CNTN4: variants seen among roughly 807,000 people sequenced by gnomAD.
CNTN4 encodes contactin-4.
CNTN4 carries 77 observed loss-of-function variants against 122.5 expected under a neutral mutation model. That is an observed-to-expected ratio of 0.63 (90% CI 0.52 to 0.76). The LOEUF (loss-of-function observed/expected upper bound fraction) is 0.76, where lower values mean the gene tolerates loss of function less well. Among genes scored for constraint, CNTN4 ranks in the 30% least tolerant of loss-of-function variants. CNTN4 has a pLI of 0.00. For synonymous variants in CNTN4, 512 were observed against 447.0 expected, an observed-to-expected ratio of 1.15 and a Z score of -1.83; for missense variants, 1,256 against 1,259.1, an observed-to-expected ratio of 1.00 and a Z score of 0.04.
Position 2,315,827 on chromosome 3 carries a change from T to A in CNTN4, c.-144-23351T>A, listed in dbSNP as rs537460750. ...TATGTTACTATCTATATAAAACTTT[T>A]AAAAATTTGGCTTAAAAAATTACAT... On this transcript the variant is annotated intron_variant, in intron 2 of 24. Transcript: ENST00000418658. Among the ~76,000 whole-genome samples the A allele has an allele frequency of 7.9e-5, 12 of 152,206 alleles. 1 individual carries two copies. The East Asian group carries it at 2.1e-3, about 27-fold the overall frequency.
At chr3:2,967,423 T>G (rs1692432386) in intron 13 of CNTN4, among the ~76,000 whole-genome samples, 1 of 152,162 alleles carries the variant, frequency 6.6e-6, no homozygotes, top group Non-Finnish European at 1.5e-5. Context: ...AACCATAATT[T>G]CTAATCTTTT....
In CNTN4 at chr3:2,143,041, C is replaced by T. The variant is rs145094899; in HGVS notation, c.-145+42402C>T. Among the ~76,000 whole-genome samples, 968 of 152,258 alleles carry T rather than the reference C, an allele frequency of 6.4e-3. 12 individuals are homozygous for T. The highest frequency in any genetic ancestry group is 6.2e-3 in the Non-Finnish European group (422 of 68,020). ...TATGTCATGCTTTGAGCCTTCATTA[C>T]GTAAGCGATTTTTCTCAAGGTCACT... On this transcript the variant is annotated intron_variant, in intron 2 of 24. Coordinates refer to ENST00000418658, the MANE Select transcript of CNTN4 (RefSeq NM_175607.3).
At chr3:2,764,454 C>A (rs997169751) in intron 6 of CNTN4, among the ~76,000 whole-genome samples, 1 of 152,050 alleles carries the variant, frequency 6.6e-6, no homozygotes, top group Non-Finnish European at 1.5e-5. Flanking sequence ...TCAAGGGATT[C>A]GAAGAAGACC....
At chr3:2,727,738 T>A (rs2088335742) in intron 4 of CNTN4, among the ~76,000 whole-genome samples, 1 of 152,244 alleles carries the variant, frequency 6.6e-6, no homozygotes, top group South Asian at 2.1e-4. Flanking sequence ...AGCATTATTT[T>A]GTTAACAAGA....
At chr3:2,722,511 T>C (rs369037016) in intron 4 of CNTN4, among the ~76,000 whole-genome samples, 2 of 152,180 alleles carry the variant, frequency 1.3e-5, no homozygotes, top group South Asian at 2.1e-4. Context: ...GATTTGAGGA[T>C]CATTTGATAG....
intron 2 of CNTN4, among the ~76,000 whole-genome samples, chr3:2,229,170 G>C (rs7613231): frequency 0.39 from 58,636 of 151,950 alleles, 12,141 homozygotes; most frequent in African/African-American, 0.54. Flanking sequence ...TATTGAACCA[G>C]GTCTGTGAAA....
chr3:2,367,104 GTA>G (rs1328746927), intron 3 of CNTN4, among the ~76,000 whole-genome samples: 1 of 151,912 alleles, frequency 6.6e-6, no homozygotes, highest in South Asian at 2.1e-4. Flanking sequence ...GTATGTGTGT[GTA>G]TGAGTACAGA....
In CNTN4 at chr3:2,413,269, C is replaced by T. The variant is rs142727248; in HGVS notation, c.-89+74036C>T. Among the ~76,000 whole-genome samples the T allele has an allele frequency of 4.6e-5, 7 of 152,284 alleles. No homozygotes were observed. The South Asian group carries it at 1.0e-3, about 23-fold the overall frequency. On this transcript the variant is annotated intron_variant, in intron 3 of 24. Transcript: ENST00000418658. ...CTTGACTACAAATAATGAGATACTC[C>T]AGTTTAAATTAGTTCAACAATGTTC...
intron 2 of CNTN4, among the ~76,000 whole-genome samples, chr3:2,276,124 T>G (rs985631401): frequency 1.3e-5 from 2 of 151,994 alleles, no homozygotes; most frequent in Admixed American, 1.3e-4. Context: ...CTTTTTAACA[T>G]TATCTGCATT....
At chr3:2,373,587 A>G (rs1259132606) in intron 3 of CNTN4, among the ~76,000 whole-genome samples, 3 of 152,238 alleles carry the variant, frequency 2.0e-5, no homozygotes, top group Non-Finnish European at 2.9e-5. Context: ...AGTTTTCAGC[A>G]TTAGGCAAAT....
At position 2,968,633 on chromosome 3, in the gene CNTN4, T is replaced by C. The variant is rs114716574; in HGVS notation, c.1359-19712T>C. On this transcript the variant is annotated intron_variant, in intron 13 of 24. Coordinates refer to ENST00000418658, the MANE Select transcript of CNTN4 (RefSeq NM_175607.3). ...AGTCACAAGAAGAGTCCACCACTAC[T>C]ACCACCACCACCACCACCAGAGCAA... Among the ~76,000 whole-genome samples, 607 of 152,278 alleles carry C rather than the reference T, an allele frequency of 4.0e-3. 8 individuals carry two copies. The highest frequency in any genetic ancestry group is 0.014 in the African/African-American group (571 of 41,562).
chr3:2,291,332 A>T (rs2042126885), intron 2 of CNTN4, among the ~76,000 whole-genome samples: 1 of 152,150 alleles, frequency 6.6e-6, no homozygotes, highest in Admixed American at 6.5e-5. Context: ...ATATAGGAGA[A>T]TTCTCACTAT....
chr3:2,136,829 G>A (rs529023022), intron 2 of CNTN4, among the ~76,000 whole-genome samples: 3 of 152,194 alleles, frequency 2.0e-5, no homozygotes, highest in East Asian at 1.9e-4. Flanking sequence ...GTGGAAAGTC[G>A]TTAATTATAA....
intron 2 of CNTN4, among the ~76,000 whole-genome samples, chr3:2,237,865 A>G (rs1179026334): frequency 3.3e-5 from 5 of 152,188 alleles, no homozygotes; most frequent in African/African-American, 1.2e-4. Flanking sequence ...AGATATTCAG[A>G]TTTAAATTAG....
chr3:2,613,465 A>G (rs973769641), intron 4 of CNTN4, among the ~76,000 whole-genome samples: 2 of 152,148 alleles, frequency 1.3e-5, no homozygotes, highest in African/African-American at 4.8e-5. Context: ...AAGAGATTAA[A>G]TATTGATTAG....
chr3:2,861,567 G>A (rs1026779461), intron 7 of CNTN4, among the ~76,000 whole-genome samples: 1 of 152,122 alleles, frequency 6.6e-6, no homozygotes, highest in South Asian at 2.1e-4. Flanking sequence ...TAAAGGTAAG[G>A]GGACTCTATC....
intron 14 of CNTN4, among the ~76,000 whole-genome samples, chr3:3,002,001 C>A (rs1308322955): frequency 2.0e-5 from 3 of 152,100 alleles, no homozygotes; most frequent in Admixed American, 6.5e-5. Flanking sequence ...AAATCTGAAG[C>A]AAATTGAGGC....
chr3:2,522,294 T>C (rs1156940642), intron 3 of CNTN4, among the ~76,000 whole-genome samples: 1 of 152,044 alleles, frequency 6.6e-6, no homozygotes, highest in African/African-American at 2.4e-5. Context: ...ATGATTCAAA[T>C]TGATGTAGTA....
intron 4 of CNTN4, among the ~76,000 whole-genome samples, chr3:2,670,796 C>G (rs570556324): frequency 3.2e-4 from 48 of 152,256 alleles, no homozygotes; most frequent in African/African-American, 8.4e-4. Flanking sequence ...CTGGTGGTGA[C>G]AAAATCTCTC....
Sources: allele counts gnomAD v4.1 joint callset (sites outside exome capture counted in the v4.1 genomes callset), GRCh38; gene constraint gnomAD v4.1.1; transcripts MANE v1.5; gene names NCBI Gene and HGNC (gene_info 2026-07-23, HGNC 2026-07-21).